ROBO2: variants seen among roughly 807,000 people sequenced by gnomAD.
The protein encoded by ROBO2 is roundabout guidance receptor 2.
In ROBO2, 53 loss-of-function variants were observed where a neutral mutation model predicts 160.8. The observed-to-expected ratio is 0.33, with a 90% confidence interval of 0.26 to 0.41. The LOEUF (loss-of-function observed/expected upper bound fraction) is 0.41. Ranked by LOEUF, ROBO2 falls within the 10% of genes least tolerant of loss-of-function variation. The pLI, the probability that ROBO2 is intolerant of heterozygous loss-of-function variation, is 1.00. For synonymous variants in ROBO2, 664 were observed against 611.7 expected (o/e 1.09, Z -1.26); for missense variants, 1,577 against 1,722.4 (o/e 0.92, Z 1.49).
chr3:77,224,687 T>G lies in ROBO2; in HGVS notation c.388+126347T>G, dbSNP rs1030257986. Among the ~76,000 whole-genome samples the G allele has an allele frequency of 2.6e-5, 4 of 151,920 alleles. No individual in the cohort carries two copies. The South Asian group carries it at 8.3e-4, about 31-fold the overall frequency. On this transcript the variant is annotated intron_variant, in intron 2 of 25. Coordinates refer to ENST00000461745, the Ensembl canonical transcript of ROBO2. ...TTTTGTTTTTGTTTTATTTTAGAAC[T>G]AAACTCCTCAAATGACTTTATTTAC...
intron 2 of ROBO2, among the ~76,000 whole-genome samples, chr3:76,719,860 G>A (rs530173652): frequency 6.8e-6 from 1 of 147,990 alleles, no homozygotes; most frequent in African/African-American, 2.5e-5. Context: ...CTCCAGCCTG[G>A]GTGACAGAGT....
chr3:77,322,663 G>T (rs1213027782), intron 2 of ROBO2, among the ~76,000 whole-genome samples: 1 of 149,380 alleles, frequency 6.7e-6, no homozygotes, highest in Non-Finnish European at 1.5e-5. Context: ...ATATTTTATA[G>T]ATATTTTCAT....
At chr3:76,143,146 C>T (rs2071748888) in intron 2 of ROBO2, among the ~76,000 whole-genome samples, 1 of 151,972 alleles carries the variant, frequency 6.6e-6, no homozygotes, top group Non-Finnish European at 1.5e-5. Context: ...CCCACCTCAG[C>T]CTCTCAAGTA....
chr3:76,541,246 G>C (rs1193828876), intron 2 of ROBO2, among the ~76,000 whole-genome samples: 1 of 152,106 alleles, frequency 6.6e-6, no homozygotes, highest in Non-Finnish European at 1.5e-5. Flanking sequence ...TGATAAATAA[G>C]ACAGCCTATC....
At chr3:76,225,327 ATG>A (rs1459752555) in intron 2 of ROBO2, among the ~76,000 whole-genome samples, 1 of 152,206 alleles carries the variant, frequency 6.6e-6, no homozygotes, top group African/African-American at 2.4e-5. Flanking sequence ...ATTGCAAAAT[ATG>A]TGTGTATTAA....
chr3:75,969,001 T>G (rs1157712379), intron 2 of ROBO2, among the ~76,000 whole-genome samples: 1 of 151,194 alleles, frequency 6.6e-6, no homozygotes, highest in Non-Finnish European at 1.5e-5. Context: ...TGTTTTTAGA[T>G]AGCACATACA....
At chr3:77,559,836 A>C (rs2093263081) in intron 9 of ROBO2, among the ~76,000 whole-genome samples, 1 of 152,040 alleles carries the variant, frequency 6.6e-6, no homozygotes, top group African/African-American at 2.4e-5. Flanking sequence ...AGATACAGGC[A>C]TTAATTATTG....
chr3:77,346,868 CCT>C, intron 2 of ROBO2, among the ~76,000 whole-genome samples: 1 of 152,250 alleles, frequency 6.6e-6, no homozygotes, highest in South Asian at 2.1e-4. Flanking sequence ...GTCCTTTCTC[CCT>C]TCTGGCAGAG....
At chr3:77,635,096 C>T (rs2095241426) in intron 24 of ROBO2, 53 bp downstream of exon 25, 1 of 1,570,138 alleles carries the variant, frequency 6.4e-7, no homozygotes, top group South Asian at 1.1e-5. Flanking sequence ...GTGCTCCATG[C>T]AATCATTTAC....
chr3:77,635,150 A>C (rs1443310428), intron 24 of ROBO2, 107 bp downstream of exon 25: 40 of 1,241,938 alleles, frequency 3.2e-5, no homozygotes, highest in Non-Finnish European at 4.6e-5. Context: ...GCTTCATTAC[A>C]TAACAAGACA....
At chr3:77,432,473 A>G (rs1464226943) in intron 2 of ROBO2, among the ~76,000 whole-genome samples, 1 of 152,160 alleles carries the variant, frequency 6.6e-6, no homozygotes, top group African/African-American at 2.4e-5. Context: ...AAAGCATCTG[A>G]AGTCTCTGAA....
intron 2 of ROBO2, among the ~76,000 whole-genome samples, chr3:77,120,290 G>A (rs1314640289): frequency 6.6e-6 from 1 of 152,152 alleles, no homozygotes; most frequent in Non-Finnish European, 1.5e-5. Flanking sequence ...TGTTGATATA[G>A]CAATCTAATA....
intron 2 of ROBO2, among the ~76,000 whole-genome samples, chr3:76,184,598 A>G (rs1048896378): frequency 6.7e-6 from 1 of 148,558 alleles, no homozygotes; most frequent in African/African-American, 2.5e-5. Context: ...GATAGATAAG[A>G]GGGGATTTAT....
intron 2 of ROBO2, among the ~76,000 whole-genome samples, chr3:77,439,189 TC>T (rs1252824239): frequency 6.6e-6 from 1 of 152,078 alleles, no homozygotes; most frequent in Non-Finnish European, 1.5e-5. Context: ...TTATCCATTG[TC>T]CCTTAAATTA....
chr3:76,014,664 A>G (rs2107633790), intron 2 of ROBO2, among the ~76,000 whole-genome samples: 1 of 152,320 alleles, frequency 6.6e-6, no homozygotes, highest in Non-Finnish European at 1.5e-5. Context: ...ACGGTGGCTT[A>G]TGCATGTAAT....
At chr3:76,902,223 T>C (rs886421373) in intron 2 of ROBO2, among the ~76,000 whole-genome samples, 2 of 152,068 alleles carry the variant, frequency 1.3e-5, no homozygotes, top group African/African-American at 4.8e-5. Flanking sequence ...ACTCATAATG[T>C]AATAAATAGC....
At chr3:77,169,097 A>G (rs1389538401) in intron 2 of ROBO2, among the ~76,000 whole-genome samples, 1 of 152,224 alleles carries the variant, frequency 6.6e-6, no homozygotes, top group Non-Finnish European at 1.5e-5. Flanking sequence ...ATCCACACGT[A>G]TGCAAATGGA....
chr3:77,627,832 A>G (rs1437204100), intron 23 of ROBO2, among the ~76,000 whole-genome samples: 1 of 152,202 alleles, frequency 6.6e-6, no homozygotes, highest in African/African-American at 2.4e-5. Flanking sequence ...AAAAATGGTA[A>G]TGCAACAATT....
chr3:76,824,346 C>T (rs961906679), intron 2 of ROBO2, among the ~76,000 whole-genome samples: 22 of 152,214 alleles, frequency 1.4e-4, no homozygotes, highest in Non-Finnish European at 2.9e-4. Flanking sequence ...ATCCACCCAC[C>T]TCAGCCTTCC....
Sources: gnomAD v4.1 joint callset for allele counts (sites outside exome capture counted in the v4.1 genomes callset) on GRCh38, gnomAD v4.1.1 for gene constraint, MANE v1.5 for transcripts, NCBI Gene and HGNC (gene_info 2026-07-23, HGNC 2026-07-21) for gene names.